The following LRFN5 variants were observed in gnomAD, a reference collection of about 807,000 sequenced individuals.
The protein encoded by LRFN5 is leucine-rich repeat and fibronectin type-III domain-containing protein 5.
A neutral mutation model predicts 45.6 loss-of-function variants in LRFN5; 24 were observed. The ratio of observed to expected loss-of-function variants is 0.53; its 90% CI spans 0.38 to 0.74. The LOEUF is 0.74. LRFN5 is among the 30% of genes least tolerant of loss of function. LRFN5 has a pLI of 0.00. For missense variants in LRFN5, 776 were observed against 861.5 expected (o/e 0.90, Z 1.24); for synonymous variants, 340 against 313.8 (o/e 1.08, Z -0.88).
intron 1 of LRFN5, among the ~76,000 whole-genome samples, chr14:41,753,040 T>C (rs1408832257): frequency 1.3e-5 from 2 of 152,222 alleles, no homozygotes; most frequent in African/African-American, 2.4e-5. Flanking sequence ...CCCCATTTCT[T>C]GTTTTTGTCA....
At chr14:41,659,808 A>T (rs1209153775) in intron 1 of LRFN5, among the ~76,000 whole-genome samples, 1 of 150,956 alleles carries the variant, frequency 6.6e-6, no homozygotes, top group Non-Finnish European at 1.5e-5. Context: ...GCCAATGATG[A>T]TGAGCTTTTT....
chr14:41,766,629 A>T (rs1463021054), intron 1 of LRFN5, among the ~76,000 whole-genome samples: 1 of 152,190 alleles, frequency 6.6e-6, no homozygotes, highest in Non-Finnish European at 1.5e-5. Context: ...TGATAAGAAA[A>T]CTTATTTCAA....
At position 41,868,136 on chromosome 14, in the gene LRFN5, C is replaced by G. The variant is rs974369008; in HGVS notation, c.-20-18470C>G. 1.2e-4 allele frequency among the ~76,000 whole-genome samples: 18 copies of G among 152,010 alleles called. 1 individual carries two copies. The highest frequency in any genetic ancestry group is 3.9e-4 in the African/African-American group (16 of 41,390). ...AAATCAAACAAAAAGCAGCAGCAAACTAGTTGGGATGCAATACAGTAAAAA... is the reference window on the plus strand; with the variant it reads ...AAATCAAACAAAAAGCAGCAGCAAAGTAGTTGGGATGCAATACAGTAAAAA... On this transcript the variant is annotated intron_variant, in intron 2 of 5. Coordinates refer to ENST00000298119, the MANE Select transcript of LRFN5 (RefSeq NM_152447.5).
intron 1 of LRFN5, among the ~76,000 whole-genome samples, chr14:41,609,139 C>T (rs911200085): frequency 2.0e-5 from 3 of 152,110 alleles, no homozygotes; most frequent in African/African-American, 7.2e-5. Flanking sequence ...CATATTGTCA[C>T]GGCTGTGTGT....
intron 2 of LRFN5, among the ~76,000 whole-genome samples, chr14:41,825,651 GA>G (rs1248335707): frequency 6.6e-6 from 1 of 152,190 alleles, no homozygotes; most frequent in Non-Finnish European, 1.5e-5. Flanking sequence ...GGGATCAAGG[GA>G]TATGAATACA....
chr14:41,727,771 A>G (rs1241953126), intron 1 of LRFN5, among the ~76,000 whole-genome samples: 1 of 152,204 alleles, frequency 6.6e-6, no homozygotes, highest in African/African-American at 2.4e-5. Flanking sequence ...TCTGAAATGT[A>G]TGGATCTTAG....
At chr14:41,898,795 C>A in intron 4 of LRFN5, 122 bp from the exon 5 acceptor site, 1 of 909,136 alleles carries the variant, frequency 1.1e-6, no homozygotes. Flanking sequence ...TAAAAAAAAT[C>A]TTTAGATAAA....
intron 1 of LRFN5, among the ~76,000 whole-genome samples, chr14:41,698,866 A>G (rs1050328997): frequency 2.0e-5 from 3 of 152,050 alleles, no homozygotes; most frequent in Admixed American, 1.3e-4. Context: ...AATCATTGGT[A>G]TAGGATTAAT....
chr14:41,836,977 C>T (rs1888682984), intron 2 of LRFN5, among the ~76,000 whole-genome samples: 2 of 151,936 alleles, frequency 1.3e-5, no homozygotes, highest in South Asian at 4.1e-4. Context: ...TTCTTTGAGC[C>T]TAGTGGTTAC....
intron 2 of LRFN5, among the ~76,000 whole-genome samples, chr14:41,786,796 T>C (rs1886737935): frequency 1.3e-5 from 2 of 152,162 alleles, no homozygotes; most frequent in East Asian, 1.9e-4. Flanking sequence ...CCTTTTTATT[T>C]CTTTATTTTT....
chr14:41,648,784 A>G (rs1163434490), intron 1 of LRFN5, among the ~76,000 whole-genome samples: 4 of 151,858 alleles, frequency 2.6e-5, no homozygotes, highest in Admixed American at 6.6e-5. Context: ...TTTTTTTTGG[A>G]ACATAATGAA....
intron 2 of LRFN5, among the ~76,000 whole-genome samples, chr14:41,816,688 T>C (rs56264520): frequency 4.6e-4 from 70 of 152,194 alleles, no homozygotes; most frequent in African/African-American, 1.6e-3. Flanking sequence ...TTTTATCCTC[T>C]GGTATTTTCC....
At chr14:41,672,577 A>T (rs2138662685) in intron 1 of LRFN5, among the ~76,000 whole-genome samples, 1 of 152,322 alleles carries the variant, frequency 6.6e-6, no homozygotes, top group South Asian at 2.1e-4. Context: ...ATAAAGTAAC[A>T]AATTTCTTAT....
chr14:41,860,067 G>A (rs1244045860), intron 2 of LRFN5, among the ~76,000 whole-genome samples: 3 of 152,092 alleles, frequency 2.0e-5, no homozygotes, highest in African/African-American at 7.2e-5. Context: ...AGGACCGTGG[G>A]TACAGACAGT....
At chr14:41,785,425 A>G (rs1234942111) in intron 2 of LRFN5, among the ~76,000 whole-genome samples, 1 of 151,958 alleles carries the variant, frequency 6.6e-6, no homozygotes, top group African/African-American at 2.4e-5. Flanking sequence ...ATATACTTAT[A>G]CTTCTTTGTT....
chr14:41,781,530 A>AGAAG (rs1178900999), intron 2 of LRFN5, among the ~76,000 whole-genome samples: 3 of 146,452 alleles, frequency 2.0e-5, no homozygotes, highest in Non-Finnish European at 3.0e-5. Context: ...GAGGGAGGGA[A>AGAAG]GAAGGAAGGA....
At chr14:41,789,261 A>G (rs1261464092) in intron 2 of LRFN5, among the ~76,000 whole-genome samples, 2 of 151,894 alleles carry the variant, frequency 1.3e-5, no homozygotes, top group South Asian at 2.1e-4. Flanking sequence ...TTGCCTTTTT[A>G]TTTGACTGAT....
intron 1 of LRFN5, among the ~76,000 whole-genome samples, chr14:41,749,108 T>G (rs1885030879): frequency 6.6e-6 from 1 of 152,016 alleles, no homozygotes; most frequent in South Asian, 2.1e-4. Context: ...ATAATGTAAT[T>G]TAACCATTTA....
At chr14:41,901,640 T>A (rs1272900210) in intron 5 of LRFN5, among the ~76,000 whole-genome samples, 1 of 152,040 alleles carries the variant, frequency 6.6e-6, no homozygotes, top group Non-Finnish European at 1.5e-5. Context: ...TTTTAGATAA[T>A]TAATATACAA....
Sources: gnomAD v4.1 joint callset for allele counts (sites outside exome capture counted in the v4.1 genomes callset) on GRCh38, gnomAD v4.1.1 for gene constraint, MANE v1.5 for transcripts, NCBI Gene and HGNC (gene_info 2026-07-23, HGNC 2026-07-21) for gene names.